Variants in PRUNE2 observed in about 807,000 individuals in gnomAD.
The protein encoded by PRUNE2 is prune homolog 2 with BCH domain, also known as protein prune homolog 2.
PRUNE2 carries 164 observed loss-of-function variants against 252.0 expected under a neutral mutation model. The observed-to-expected ratio is 0.65, with a 90% CI of 0.57 to 0.74. PRUNE2 has a LOEUF of 0.74. Ranked by LOEUF, PRUNE2 falls within the 30% of genes least tolerant of loss-of-function variation. PRUNE2 has a pLI of 0.00. For missense variants in PRUNE2, 3,495 were observed against 3,711.0 expected, an observed-to-expected ratio of 0.94 and a Z score of 1.51; for synonymous variants, 1,292 against 1,350.2, an observed-to-expected ratio of 0.96 and a Z score of 0.94.
chr9:76,825,478 C>T (rs1370671854), intron 5 of PRUNE2, among the ~76,000 whole-genome samples: 2 of 152,208 alleles, frequency 1.3e-5, no homozygotes, highest in African/African-American at 4.8e-5. Context: ...ACTGGAACCA[C>T]CTCCCACATA....
At chr9:76,905,812 C>G (rs1044007081) in intron 1 of PRUNE2, 116 bp downstream of exon 1, 2 of 1,360,132 alleles carry the variant, frequency 1.5e-6, no homozygotes, top group South Asian at 1.2e-5. Flanking sequence ...CCCGCACACC[C>G]TGATAACTCC....
At position 76,628,338 on chromosome 9, in the gene PRUNE2, G is replaced by A. The variant is rs955717054; in HGVS notation, c.9149+854C>T. ...TGCAGGATGCTGACGCTGATACTGC[G>A]TTACCCTCTATTGAGCAAGGAAACC... On this transcript the variant is annotated intron_variant, in intron 16 of 18. Coordinates refer to ENST00000376718, the MANE Select transcript of PRUNE2 (RefSeq NM_015225.3). 2.5e-4 allele frequency among the ~76,000 whole-genome samples: 38 copies of A among 152,236 alleles called. 2 individuals carry two copies. Among genetic ancestry groups the A allele is most frequent in the East Asian group, 3.9e-4 (2 of 5,180 alleles).
intron 6 of PRUNE2, among the ~76,000 whole-genome samples, chr9:76,806,009 T>C (rs2056907457): frequency 6.6e-6 from 1 of 152,214 alleles, no homozygotes; most frequent in Non-Finnish European, 1.5e-5. Flanking sequence ...AGGTACTCAA[T>C]GAAGGGGAGC....
chr9:76,826,984 C>A (rs1169119329), intron 4 of PRUNE2, among the ~76,000 whole-genome samples: 1 of 152,084 alleles, frequency 6.6e-6, no homozygotes, highest in Non-Finnish European at 1.5e-5. Context: ...GTACAGAATT[C>A]ACAGATAAAG....
Position 76,795,553 on chromosome 9 carries a change from G to GCA in PRUNE2, c.756+28078_756+28079insTG, listed in dbSNP as rs1457710364. Among the ~76,000 whole-genome samples the GCA allele has an allele frequency of 9.6e-3, 1,461 of 152,260 alleles. 21 individuals carry two copies. Among genetic ancestry groups the GCA allele is most frequent in the African/African-American group, 0.033 (1,388 of 41,544 alleles). On this transcript the variant is annotated intron_variant, in intron 6 of 18. Transcript: ENST00000376718. ...TTTGAGTTACTAATAGCCCCTGGGG[G>GCA]GGAGCATGTTCTCCCAAAAGTGATG...
intron 9 of PRUNE2, among the ~76,000 whole-genome samples, chr9:76,699,386 A>AT (rs901329469): frequency 2.0e-5 from 3 of 152,064 alleles, no homozygotes; most frequent in Non-Finnish European, 4.4e-5. Context: ...TTGTAAAAGT[A>AT]TTTTTTTAGA....
intron 9 of PRUNE2, among the ~76,000 whole-genome samples, chr9:76,701,760 T>C (rs2045905772): frequency 6.6e-6 from 1 of 152,220 alleles, no homozygotes; most frequent in Admixed American, 6.5e-5. Context: ...AGCTATTCTT[T>C]CCATTGTCCT....
At position 76,705,122 on chromosome 9, in the gene PRUNE2, A is replaced by G; in HGVS notation, c.7152T>C (p.Ser2384=). 1 of 1,613,998 alleles carries G rather than the reference A, an allele frequency of 6.2e-7. No individual in the cohort carries two copies. The highest frequency in any genetic ancestry group is 1.1e-5 in the South Asian group (1 of 91,080). ...TGTACGGTGCCAGCGACTGCTTCAG[A>G]GAATCTTCCTCCAAAGGAGGGTCAC... The part of the protein sequence containing the change: ...YGGDPPLEED[S]LKQSLAPYTP... Residue 2384 remains serine, a synonymous_variant, in exon 8 of 19, where the codon TCT becomes TCC. Coordinates refer to ENST00000376718, the MANE Select transcript of PRUNE2 (RefSeq NM_015225.3).
chr9:76,842,144 A>G (rs192186420), intron 4 of PRUNE2, among the ~76,000 whole-genome samples: 390 of 152,320 alleles, frequency 2.6e-3, no homozygotes, highest in Non-Finnish European at 4.6e-3. Context: ...CAAAACAGAC[A>G]TAGACCAATG....
At chr9:76,663,808 A>C (rs1217208380) in intron 9 of PRUNE2, among the ~76,000 whole-genome samples, 1 of 152,176 alleles carries the variant, frequency 6.6e-6, no homozygotes, top group Non-Finnish European at 1.5e-5. Flanking sequence ...GCTTCTTTTA[A>C]TATTTTTCCT....
intron 16 of PRUNE2, among the ~76,000 whole-genome samples, chr9:76,628,391 GCAAAT>G (rs1158599932): frequency 6.6e-6 from 1 of 152,180 alleles, no homozygotes; most frequent in African/African-American, 2.4e-5. Flanking sequence ...CCACCACTGG[GCAAAT>G]GCCCTCTACT....
chr9:76,785,001 T>G lies in PRUNE2; in HGVS notation c.756+38631A>C, dbSNP rs966206820. ...TTTTGTTTTCCAGTGCAAAGATGAC[T>G]AAGTCCTTTATCCCTCCCCTTTGTT... On this transcript the variant is annotated intron_variant, in intron 6 of 18. Coordinates refer to ENST00000376718, the MANE Select transcript of PRUNE2 (RefSeq NM_015225.3). 16 of 152,336 alleles carry G rather than the reference T, an allele frequency of 1.1e-4. 1 individual carries two copies. The highest frequency in any genetic ancestry group is 3.8e-4 in the African/African-American group (16 of 41,570). The allele number at this position is 152,336 out of a possible 1,614,324, so 9.4% of individuals were successfully genotyped here. A position where few individuals can be genotyped will look rare whatever the true frequency, so the allele number is the denominator to read the frequency against.
chr9:76,823,503 C>A (rs926782860), intron 6 of PRUNE2, 129 bp downstream of exon 6: 21 of 657,900 alleles, frequency 3.2e-5, no homozygotes, highest in Non-Finnish European at 5.0e-5. Flanking sequence ...CACTATATTC[C>A]AAGTCAAATG....
chr9:76,714,065 C>T lies in PRUNE2; in HGVS notation c.757-344G>A, dbSNP rs182898294. Among the ~76,000 whole-genome samples the T allele has an allele frequency of 6.6e-5, 10 of 152,198 alleles. No homozygotes were observed. In the East Asian group the frequency reaches 1.7e-3, roughly 26 times the overall value. ...TCTTGTCGCTTATAGGATCTATATA[C>T]GAATGTCTGCTATTGTTACAATTTA... On this transcript the variant is annotated intron_variant, in intron 6 of 18. Transcript: ENST00000376718.
chr9:76,811,340 C>T (rs367899952), intron 6 of PRUNE2, among the ~76,000 whole-genome samples: 23 of 152,290 alleles, frequency 1.5e-4, no homozygotes, highest in African/African-American at 4.1e-4. Flanking sequence ...TAAAAAGCTA[C>T]GTCTTAATTC....
intron 6 of PRUNE2, among the ~76,000 whole-genome samples, chr9:76,797,391 T>C (rs1324271366): frequency 3.3e-5 from 5 of 152,152 alleles, no homozygotes; most frequent in African/African-American, 1.2e-4. Flanking sequence ...TTTTGTTTGT[T>C]TGTTTGTTTG....
chr9:76,903,737 G>A (rs1173277667), intron 1 of PRUNE2, among the ~76,000 whole-genome samples: 7 of 152,208 alleles, frequency 4.6e-5, no homozygotes, highest in South Asian at 2.1e-4. Context: ...ACAGGCACAC[G>A]CCACCATGCC....
At chr9:76,677,438 C>T (rs866365721) in intron 9 of PRUNE2, among the ~76,000 whole-genome samples, 2 of 152,266 alleles carry the variant, frequency 1.3e-5, no homozygotes, top group Non-Finnish European at 2.9e-5. Context: ...TTTTCCGTTC[C>T]TGTTTCACAG....
At chr9:76,684,590 T>C (rs2043863891) in intron 9 of PRUNE2, among the ~76,000 whole-genome samples, 1 of 152,218 alleles carries the variant, frequency 6.6e-6, no homozygotes, top group Admixed American at 6.5e-5. Context: ...CTTCCTTAGA[T>C]ATCCAGCGTA....
Sources: allele counts gnomAD v4.1 joint callset (sites outside exome capture counted in the v4.1 genomes callset), GRCh38; gene constraint gnomAD v4.1.1; transcripts MANE v1.5; gene names NCBI Gene and HGNC (gene_info 2026-07-23, HGNC 2026-07-21).